COL4A3: variants seen among roughly 807,000 people sequenced by gnomAD.
The protein encoded by COL4A3 is collagen type IV alpha 3 chain, also known as collagen alpha-3(IV) chain.
COL4A3 carries 135 observed loss-of-function variants against 217.4 expected under a neutral mutation model. The ratio of observed to expected loss-of-function variants is 0.62; its 90% confidence interval spans 0.54 to 0.72. COL4A3 has a LOEUF of 0.72. Ranked by LOEUF, COL4A3 falls within the 30% of genes least tolerant of loss-of-function variation. The probability of loss-of-function intolerance (pLI) is 0.00; values close to 1 mark genes in which losing one functional copy is unlikely to be tolerated. For synonymous variants in COL4A3, 690 were observed against 736.3 expected (o/e 0.94, Z 1.02); for missense variants, 1,868 against 2,119.9 (o/e 0.88, Z 2.33).
At chr2:227,202,846 CAT>C (rs1385584313) in intron 1 of COL4A3, among the ~76,000 whole-genome samples, 12 of 31,492 alleles carry the variant, frequency 3.8e-4, no homozygotes, top group Non-Finnish European at 3.4e-4. Context: ...TGTATATATA[CAT>C]ATGTGTATAT....
chr2:227,213,177 G>A (rs374303538), intron 1 of COL4A3, among the ~76,000 whole-genome samples: 86 of 152,282 alleles, frequency 5.6e-4, no homozygotes, highest in African/African-American at 1.9e-3. Context: ...GCCTTAAATA[G>A]CTGAAGCGTA....
At chr2:227,203,111 G>A (rs946776050) in intron 1 of COL4A3, among the ~76,000 whole-genome samples, 1 of 43,598 alleles carries the variant, frequency 2.3e-5, no homozygotes, top group African/African-American at 1.2e-4. Flanking sequence ...ACATATATGT[G>A]TATATATGTG....
At chr2:227,302,095 CCTT>C (rs2073309908) in intron 43 of COL4A3, 1 of 152,298 alleles carries the variant, frequency 6.6e-6, no homozygotes, top group African/African-American at 2.4e-5. Context: ...CCTCCTCCCT[CCTT>C]CTATGGCTTT....
rs749921547 is a variant in COL4A3 at position 227,280,553 on chromosome 2, T to G, written c.2337T>G (p.Pro779=). 2 of 1,614,122 alleles carry G rather than the reference T, an allele frequency of 1.2e-6. No individual in the cohort carries two copies. The highest frequency in any genetic ancestry group is 1.7e-6 in the Non-Finnish European group (2 of 1,180,006). Residue 779 remains proline, a synonymous_variant, in exon 30 of 52, where the codon CCT becomes CCG. Coordinates refer to ENST00000396578, the MANE Select transcript of COL4A3 (RefSeq NM_000091.5). ...EIGLPGLPGL[P]GTPGNEGLDG... is the part of the protein sequence containing the mutation. ...GACTCCCTGGACTTCCAGGTCTCCC[T>G]GGAACTCCAGGAAATGAAGGGCTTG...
At chr2:227,276,574 G>A (rs764329202) in intron 27 of COL4A3, 97 bp downstream of exon 27, 22 of 910,334 alleles carry the variant, frequency 2.4e-5, no homozygotes, top group Non-Finnish European at 3.9e-5. Flanking sequence ...GGAAAAAAAT[G>A]TATTCATTGG....
In COL4A3 at chr2:227,309,219, A is replaced by G; in HGVS notation, c.4656A>G (p.Glu1552=). 6.2e-7 allele frequency: 1 copy of G among 1,614,200 alleles called. No homozygotes were observed. Among genetic ancestry groups the G allele is most frequent in the Non-Finnish European group, 8.5e-7 (1 of 1,180,010 alleles). Residue 1552 remains glutamate (E), a synonymous_variant, in exon 50 of 52, where the codon GAA becomes GAG. Coordinates refer to ENST00000396578, the MANE Select transcript of COL4A3 (RefSeq NM_000091.5). ...EPYISRCTVC[E]GPAIAIAVHS... ...CATGTTACAGATGCACTGTTTGTGA[A>G]GGTCCTGCGATCGCCATAGCCGTTC...
chr2:227,276,476 TG>T lies in COL4A3; in HGVS notation c.2020+1del. 6.2e-7 allele frequency: 1 copy of T among 1,612,558 alleles called. No individual in the cohort carries two copies. Among genetic ancestry groups the T allele is most frequent in the East Asian group, 2.2e-5 (1 of 44,870 alleles). On this transcript the variant is annotated frameshift_variant and splice_region_variant, in exon 27 of 52. Transcript: ENST00000396578. LOFTEE classifies it high-confidence loss of function. Reference sequence around the variant, plus strand: ...GCCATCCTGGCCCCCAAGGTCCACCTGGTAAGTATCCTCTGCCAAATCTGGT... The same window carrying T: ...GCCATCCTGGCCCCCAAGGTCCACCTGTAAGTATCCTCTGCCAAATCTGGT... Reference protein sequence around the residue: ...PGHPGPQGPPGIPGSLGKCGD... With the variant: ...PGHPGPQGPPXIPGSLGKCGD...
rs2106301005 is a variant in COL4A3, at chr2:227,312,864, A to G, written c.*994A>G. 6.6e-6 allele frequency: 1 copy of G among 152,576 alleles called. No individual in the cohort carries two copies. Among genetic ancestry groups the G allele is most frequent in the Non-Finnish European group, 1.5e-5 (1 of 68,004 alleles). 9.5% of individuals were successfully genotyped at this position (152,576 alleles called of 1,614,324 possible). A position where few individuals can be genotyped will look rare whatever the true frequency, so the allele number is the denominator to read the frequency against. ...GGAATCTATTTTCTCATTGCTCTGAATATGTCATCACTCTAGGTTTTACAG... is the reference window on the plus strand; with the variant it reads ...GGAATCTATTTTCTCATTGCTCTGAGTATGTCATCACTCTAGGTTTTACAG... On this transcript the variant is annotated 3_prime_UTR_variant, in exon 52 of 52. Transcript: ENST00000396578.
At chr2:227,249,228 ATATTTTT>A (rs1456956856) in intron 9 of COL4A3, among the ~76,000 whole-genome samples, 5 of 22,160 alleles carry the variant, frequency 2.3e-4, no homozygotes, top group African/African-American at 7.5e-4. Flanking sequence ...ATATATATAT[ATATTTTT>A]TTTTTTTTTT....
In COL4A3 at chr2:227,253,711, CT is replaced by C; in HGVS notation, c.765+77del. The C allele has an allele frequency of 8.0e-7, 1 of 1,245,032 alleles. No homozygotes were observed. The highest frequency in any genetic ancestry group is 1.2e-6 in the Non-Finnish European group (1 of 843,462). The allele number at this position is 1,245,032 out of a possible 1,614,324, so 77.1% of individuals were successfully genotyped here. A position where few individuals can be genotyped will look rare whatever the true frequency, so the allele number is the denominator to read the frequency against. On this transcript the variant is annotated intron_variant, in intron 13 of 51. Coordinates refer to ENST00000396578, the MANE Select transcript of COL4A3 (RefSeq NM_000091.5). The surrounding 1 kb of genome is among the most constrained non-coding windows in gnomAD (Gnocchi z 4.4). ...ATGAAGTCCTTGTGACCCTGCACCT[CT>C]TTTACAAGCTCTTGTTATCTAAGTC...
intron 1 of COL4A3, among the ~76,000 whole-genome samples, chr2:227,202,604 G>A (rs1047242272): frequency 9.9e-5 from 15 of 150,990 alleles, no homozygotes; most frequent in African/African-American, 1.9e-4. Flanking sequence ...GCGCGGTGGC[G>A]GGCACCTGTA....
chr2:227,187,019 A>G (rs1255555406), intron 1 of COL4A3, among the ~76,000 whole-genome samples: 1 of 152,168 alleles, frequency 6.6e-6, no homozygotes, highest in African/African-American at 2.4e-5. Flanking sequence ...TTCAGTTAGA[A>G]AAGAGTTAGT....
At chr2:227,280,772 A>T in intron 30 of COL4A3, 121 bp from the exon 31 acceptor site, 1 of 989,520 alleles carries the variant, frequency 1.0e-6, no homozygotes, top group Non-Finnish European at 1.6e-6. Context: ...AAGGCATATT[A>T]ATGGCAGTAA....
intron 1 of COL4A3, among the ~76,000 whole-genome samples, chr2:227,215,118 T>C (rs13429847): frequency 0.076 from 11,584 of 152,240 alleles, 670 homozygotes; most frequent in Admixed American, 0.13. Context: ...ATTTTTCATT[T>C]TGTGGATAGG....
At chr2:227,306,940 C>T (rs1399936970) in intron 47 of COL4A3, among the ~76,000 whole-genome samples, 2 of 151,940 alleles carry the variant, frequency 1.3e-5, no homozygotes, top group African/African-American at 4.8e-5. Flanking sequence ...ATGCCAATAC[C>T]ATAAATAATA....
chr2:227,240,048 G>T (rs1056595124), intron 2 of COL4A3, 95 bp from the exon 3 acceptor site: 23 of 1,091,772 alleles, frequency 2.1e-5, no homozygotes, highest in Non-Finnish European at 3.0e-5. Flanking sequence ...GAGTCACCAT[G>T]AAGTCATAAA....
In COL4A3 at chr2:227,250,338, T is replaced by TGATA. The variant is rs59489597; in HGVS notation, c.547-757_547-754dup. The stretch of plus-strand genomic sequence containing the variant: ...AAAAAATAGGTAGATAGATAAAAGA[T>TGATA]GATAGATAGATAGATAGATAGATAG... On this transcript the variant is annotated intron_variant, in intron 9 of 51. Transcript: ENST00000396578. The surrounding 1 kb of genome is among the most constrained non-coding windows in gnomAD (Gnocchi z 4.1). Among the ~76,000 whole-genome samples, 2,244 of 146,692 alleles carry TGATA rather than the reference T, an allele frequency of 0.015. 22 individuals carry two copies. Among genetic ancestry groups the TGATA allele is most frequent in the Admixed American group, 0.024 (345 of 14,572 alleles).
chr2:227,167,080 AAAT>A (rs1423337718), intron 1 of COL4A3, among the ~76,000 whole-genome samples: 7 of 152,368 alleles, frequency 4.6e-5, no homozygotes, highest in Non-Finnish European at 8.8e-5. Context: ...CTCAAATTCT[AAAT>A]ATTAGCAACT....
At position 227,247,543 on chromosome 2, in the gene COL4A3, T is replaced by A; in HGVS notation, c.442-15T>A. The A allele has an allele frequency of 6.2e-7, 1 of 1,613,814 alleles. No individual in the cohort carries two copies. The highest frequency in any genetic ancestry group is 8.5e-7 in the Non-Finnish European group (1 of 1,179,786). ...TGATATTCCTCTAGTTGTTCATAGG[T>A]TGCTTTTTTCCTAGGGTGCTGCTGG... On this transcript the variant is annotated splice_polypyrimidine_tract_variant and intron_variant, in intron 7 of 51. Transcript: ENST00000396578.
Sources: allele counts gnomAD v4.1 joint callset (sites outside exome capture counted in the v4.1 genomes callset), GRCh38; gene constraint gnomAD v4.1.1; non-coding constraint Gnocchi (gnomAD v3.1); transcripts MANE v1.5; gene names NCBI Gene and HGNC (gene_info 2026-07-23, HGNC 2026-07-21).